Variants in GALNT10 observed in about 807,000 individuals in gnomAD.
The protein encoded by GALNT10 is GalNAc transferase 10.
Under a neutral mutation model 75.0 loss-of-function variants are expected in GALNT10, and 41 were observed. The ratio of observed to expected loss-of-function variants is 0.55; its 90% confidence interval spans 0.43 to 0.71. GALNT10 has a LOEUF of 0.71. Among genes scored for constraint, GALNT10 ranks in the 30% least tolerant of loss-of-function variants. GALNT10 has a pLI of 0.00. For synonymous variants in GALNT10, 302 were observed against 313.0 expected (o/e 0.96, Z 0.37); for missense variants, 727 against 818.5 (o/e 0.89, Z 1.36).
chr5:154,221,031 C>T (rs181408077), intron 1 of GALNT10, among the ~76,000 whole-genome samples: 1 of 152,138 alleles, frequency 6.6e-6, no homozygotes, highest in Non-Finnish European at 1.5e-5. Context: ...CCAGTTTGAC[C>T]CCTCTGTTCC....
At chr5:154,192,650 C>G (rs1464561639) in intron 1 of GALNT10, among the ~76,000 whole-genome samples, 1 of 152,228 alleles carries the variant, frequency 6.6e-6, no homozygotes, top group Non-Finnish European at 1.5e-5. Context: ...ATGAGGAATA[C>G]AACGGTCCCT....
chr5:154,288,408 T>TTGTGTGTG (rs10534031), intron 1 of GALNT10, among the ~76,000 whole-genome samples: 13,103 of 122,422 alleles, frequency 0.11, 587 homozygotes, highest in Non-Finnish European at 0.14. Flanking sequence ...AAAATTCCAT[T>TTGTGTGTG]TGTGTGTGTG....
rs886976475 is a variant in GALNT10, at chr5:154,416,015, A to G, written c.1653+83A>G. ...AGTGCTTCACCCCTTCTTTCAACAG[A>G]GCCCATCCACTTATTCATTTGTGCC... On this transcript the variant is annotated intron_variant, in intron 11 of 11. Coordinates refer to ENST00000297107, the MANE Select transcript of GALNT10 (RefSeq NM_198321.4). This position sits in a 1 kb window ranked among gnomAD's most constrained non-coding sequence, Gnocchi z 4.5. 3.1e-5 allele frequency: 39 copies of G among 1,274,982 alleles called. No homozygotes were observed. The highest frequency in any genetic ancestry group is 4.0e-5 in the Non-Finnish European group (36 of 905,110). 79.0% of individuals were successfully genotyped at this position (1,274,982 alleles called of 1,614,324 possible).
At chr5:154,246,160 A>G (rs1305236078) in intron 1 of GALNT10, among the ~76,000 whole-genome samples, 2 of 151,894 alleles carry the variant, frequency 1.3e-5, no homozygotes, top group Admixed American at 1.3e-4. Flanking sequence ...TTGGCTGCAT[A>G]GTATTCCATG....
At chr5:154,323,562 A>G (rs1754708584) in intron 3 of GALNT10, among the ~76,000 whole-genome samples, 1 of 152,034 alleles carries the variant, frequency 6.6e-6, no homozygotes. Context: ...AGATGTGGAG[A>G]TATGAGGAAC....
Position 154,417,293 on chromosome 5 carries a change from C to T in GALNT10, c.*321C>T. 1 of 244,844 alleles carries T rather than the reference C, an allele frequency of 4.1e-6. No homozygotes were observed. The allele number at this position is 244,844 out of a possible 1,614,324, so 15.2% of individuals were successfully genotyped here. ...CCCTTGAACATTATGTGGGAGAACACCAAGGTAGCCTAGGCCACCCAAAAG... is the reference window on the plus strand; with the variant it reads ...CCCTTGAACATTATGTGGGAGAACATCAAGGTAGCCTAGGCCACCCAAAAG... On this transcript the variant is annotated 3_prime_UTR_variant, in exon 12 of 12. Transcript: ENST00000297107.
At chr5:154,334,682 T>C (rs1408632525) in intron 4 of GALNT10, among the ~76,000 whole-genome samples, 1 of 152,222 alleles carries the variant, frequency 6.6e-6, no homozygotes, top group African/African-American at 2.4e-5. Context: ...TATGGTATGA[T>C]CTCATTGACA....
At chr5:154,336,125 G>A (rs1332652712) in intron 4 of GALNT10, among the ~76,000 whole-genome samples, 2 of 152,132 alleles carry the variant, frequency 1.3e-5, no homozygotes, top group African/African-American at 2.4e-5. Context: ...TCACAAATAT[G>A]CACTTAAGAT....
At chr5:154,287,550 C>A (rs946967210) in intron 1 of GALNT10, 1 of 152,006 alleles carries the variant, frequency 6.6e-6, no homozygotes, top group Admixed American at 6.6e-5. Flanking sequence ...AAATATCTAT[C>A]GAATTTATCT....
At chr5:154,212,404 G>A (rs1213928795) in intron 1 of GALNT10, among the ~76,000 whole-genome samples, 2 of 152,222 alleles carry the variant, frequency 1.3e-5, no homozygotes, top group Non-Finnish European at 2.9e-5. Flanking sequence ...ACATCTATGT[G>A]TATAAATAAC....
intron 1 of GALNT10, among the ~76,000 whole-genome samples, chr5:154,260,215 C>A (rs1753682156): frequency 6.6e-6 from 1 of 152,136 alleles, no homozygotes; most frequent in African/African-American, 2.4e-5. Context: ...GTTCTAACCA[C>A]CTCCCCCCAA....
chr5:154,246,329 T>C (rs2113671284), intron 1 of GALNT10, among the ~76,000 whole-genome samples: 1 of 152,330 alleles, frequency 6.6e-6, no homozygotes, highest in East Asian at 1.9e-4. Flanking sequence ...TACCCAGTAA[T>C]GGGATGGCTG....
At chr5:154,378,184 G>A (rs945989591) in intron 5 of GALNT10, among the ~76,000 whole-genome samples, 2 of 152,180 alleles carry the variant, frequency 1.3e-5, no homozygotes, top group African/African-American at 4.8e-5. Flanking sequence ...AGCGCATCAT[G>A]GCTTTTGTCT....
intron 1 of GALNT10, chr5:154,287,419 C>G (rs1754127641): frequency 1.3e-5 from 2 of 152,210 alleles, no homozygotes; most frequent in Non-Finnish European, 1.5e-5. Flanking sequence ...CCCCCAACCC[C>G]CACCCCTCAA....
intron 1 of GALNT10, among the ~76,000 whole-genome samples, chr5:154,247,146 A>T (rs375650934): frequency 1.3e-5 from 2 of 152,010 alleles, no homozygotes; most frequent in African/African-American, 4.8e-5. Context: ...TTCTGAGGGC[A>T]CTGTTCTGTT....
chr5:154,383,923 T>A (rs982858418), intron 6 of GALNT10, among the ~76,000 whole-genome samples: 1 of 152,188 alleles, frequency 6.6e-6, no homozygotes, highest in Non-Finnish European at 1.5e-5. Flanking sequence ...GAAAAGAAGT[T>A]CAACTGACTC....
At chr5:154,212,966 TCAA>T (rs1752786893) in intron 1 of GALNT10, among the ~76,000 whole-genome samples, 4 of 145,586 alleles carry the variant, frequency 2.7e-5, no homozygotes, top group Non-Finnish European at 1.5e-5. Flanking sequence ...AGATTCCATC[TCAA>T]AAAAAAAAAA....
intron 1 of GALNT10, among the ~76,000 whole-genome samples, chr5:154,200,792 T>C (rs1162539041): frequency 1.3e-5 from 2 of 152,186 alleles, no homozygotes; most frequent in Non-Finnish European, 2.9e-5. Flanking sequence ...CTGTATACTT[T>C]AATGGAAGTT....
At chr5:154,246,292 A>G (rs1753422758) in intron 1 of GALNT10, among the ~76,000 whole-genome samples, 3 of 152,210 alleles carry the variant, frequency 2.0e-5, no homozygotes, top group Admixed American at 6.5e-5. Flanking sequence ...TCTTTATAAC[A>G]GCATGATTTA....
Sources: gnomAD v4.1 joint callset for allele counts (sites outside exome capture counted in the v4.1 genomes callset) on GRCh38, gnomAD v4.1.1 for gene constraint, Gnocchi (gnomAD v3.1) non-coding constraint, MANE v1.5 for transcripts, NCBI Gene and HGNC (gene_info 2026-07-23, HGNC 2026-07-21) for gene names.